Variants in TULP4 observed in about 807,000 individuals in gnomAD.
TULP4 encodes the protein TUB like protein 4.
TULP4 carries 16 observed loss-of-function variants against 129.0 expected under a neutral mutation model. The observed-to-expected ratio is 0.12, with a 90% CI of 0.08 to 0.19. The LOEUF (loss-of-function observed/expected upper bound fraction) is 0.19. TULP4 is among the 10% of genes least tolerant of loss of function. The pLI, the probability that TULP4 is intolerant of heterozygous loss-of-function variation, is 1.00. For synonymous variants in TULP4, 998 were observed against 854.0 expected, an observed-to-expected ratio of 1.17 and a Z score of -2.94; for missense variants, 1,842 against 2,059.1, an observed-to-expected ratio of 0.89 and a Z score of 2.04.
intron 1 of TULP4, among the ~76,000 whole-genome samples, chr6:158,320,500 T>C (rs972078438): frequency 6.6e-6 from 1 of 151,810 alleles, no homozygotes; most frequent in Non-Finnish European, 1.5e-5. Context: ...GGCGTAATCT[T>C]GGCTCACTGC....
At chr6:158,336,578 A>G (rs527238140) in intron 1 of TULP4, among the ~76,000 whole-genome samples, 21 of 152,226 alleles carry the variant, frequency 1.4e-4, no homozygotes, top group Non-Finnish European at 2.6e-4. Flanking sequence ...ACTATTGGTA[A>G]GAAAATCAAC....
At chr6:158,287,205 T>C (rs936046112) in intron 1 of TULP4, among the ~76,000 whole-genome samples, 1 of 152,164 alleles carries the variant, frequency 6.6e-6, no homozygotes, top group Non-Finnish European at 1.5e-5. Context: ...AATTACAGGG[T>C]GAATGGAGTT....
At chr6:158,484,933 A>G (rs1780032285) in intron 8 of TULP4, among the ~76,000 whole-genome samples, 1 of 152,262 alleles carries the variant, frequency 6.6e-6, no homozygotes, top group Non-Finnish European at 1.5e-5. Context: ...GGAAATGGGT[A>G]TTGCTGTAAC....
chr6:158,242,834 G>C (rs1777948764), intron 1 of TULP4: 2 of 231,940 alleles, frequency 8.6e-6, no homozygotes, highest in Non-Finnish European at 1.7e-5. Flanking sequence ...GCCCAGGCTG[G>C]AGTGCAGTGG....
At chr6:158,394,786 CAAAAAAAAAA>C (rs71030166) in intron 1 of TULP4, among the ~76,000 whole-genome samples, 31 of 46,016 alleles carry the variant, frequency 6.7e-4, no homozygotes, top group Admixed American at 1.6e-3. Context: ...GGCTCTGTCT[CAAAAAAAAAA>C]AAAAAAAAAA....
At position 158,498,589 on chromosome 6, in the gene TULP4, C is replaced by G. The variant is rs961846234; in HGVS notation, c.1871-80C>G. 2.5e-6 allele frequency: 4 copies of G among 1,574,074 alleles called. No individual in the cohort carries two copies. In the Admixed American group the frequency reaches 6.8e-5, roughly 27 times the overall value. The stretch of plus-strand genomic sequence containing the variant: ...GATGGCAGGGAAACTGCAGTGCGCT[C>G]TTCTTCCTGTGACTCTCTTGACACT... On this transcript the variant is annotated intron_variant, in intron 11 of 13. Coordinates refer to ENST00000367097, the MANE Select transcript of TULP4 (RefSeq NM_020245.5).
intron 1 of TULP4, among the ~76,000 whole-genome samples, chr6:158,345,855 A>C (rs1411594194): frequency 2.0e-5 from 3 of 152,046 alleles, no homozygotes. Flanking sequence ...ACTGCAGGAG[A>C]CCAGGGCTTA....
intron 1 of TULP4, among the ~76,000 whole-genome samples, chr6:158,411,562 A>C (rs867312116): frequency 1.4e-4 from 21 of 152,348 alleles, no homozygotes; most frequent in Non-Finnish European, 1.6e-4. Flanking sequence ...TTTAAAAAAG[A>C]GCTATGATAT....
rs1405730748 is a variant in TULP4, at chr6:158,501,786, G to C, written c.2123G>C (p.Gly708Ala). The change falls in exon 13 of 14, where the codon GGG (glycine) becomes GCG (alanine). Residue 708 changes from glycine (G) to alanine (A), a missense_variant. By Grantham distance (60) the Gly-to-Ala change is moderately conservative. Transcript: ENST00000367097. The part of the protein sequence containing the change: ...AQAMSPTQSI[G>A]LVQSLLANQN... Reference sequence around the variant, plus strand: ...GCTATGTCCCCCACGCAGAGCATAGGGCTGGTGCAGTCCCTACTGGCCAAT... The same window carrying C: ...GCTATGTCCCCCACGCAGAGCATAGCGCTGGTGCAGTCCCTACTGGCCAAT... 3 of 1,614,082 alleles carry C rather than the reference G, an allele frequency of 1.9e-6. No individual in the cohort carries two copies.
In TULP4 at chr6:158,504,010, G is replaced by A; in HGVS notation, c.4347G>A (p.Arg1449=). The stretch of plus-strand genomic sequence containing the variant: ...AGCTGGAGGAGGCCAAGTGCCGGCG[G>A]GCCAGTGAGAAGGAGGACGGGCGGC... The part of the protein sequence containing the change: ...AGELEEAKCR[R]ASEKEDGRLG... The change falls in exon 13 of 14, where the codon CGG becomes CGA. Residue 1449 remains arginine (R), a synonymous_variant. Transcript: ENST00000367097. 1 of 1,612,642 alleles carries A rather than the reference G, an allele frequency of 6.2e-7. No homozygotes were observed. Among genetic ancestry groups the A allele is most frequent in the Non-Finnish European group, 8.5e-7 (1 of 1,179,420 alleles).
chr6:158,440,438 T>C (rs1404307776), intron 3 of TULP4, among the ~76,000 whole-genome samples: 1 of 152,018 alleles, frequency 6.6e-6, no homozygotes, highest in African/African-American at 2.4e-5. Context: ...GTTAAAGGGC[T>C]GGTAAGAGTG....
intron 4 of TULP4, among the ~76,000 whole-genome samples, chr6:158,450,618 T>G (rs1309917583): frequency 2.6e-5 from 4 of 152,070 alleles, no homozygotes; most frequent in African/African-American, 7.2e-5. Flanking sequence ...ATACCAGCCT[T>G]GAGAGAAGTG....
chr6:158,451,987 A>C, intron 4 of TULP4, 147 bp from the exon 5 acceptor site: 1 of 1,184,076 alleles, frequency 8.4e-7, no homozygotes, highest in Non-Finnish European at 1.2e-6. Context: ...AATGATATAG[A>C]ATGTTTCATT....
intron 1 of TULP4, among the ~76,000 whole-genome samples, chr6:158,374,433 C>CT (rs144839504): frequency 2.5e-3 from 377 of 152,200 alleles, no homozygotes; most frequent in African/African-American, 8.6e-3. Flanking sequence ...GTTTGAAACT[C>CT]TGAGAAGCTA....
At chr6:158,450,853 G>A (rs908758345) in intron 4 of TULP4, among the ~76,000 whole-genome samples, 19 of 151,870 alleles carry the variant, frequency 1.3e-4, no homozygotes, top group African/African-American at 3.6e-4. Flanking sequence ...TCAGGAGATC[G>A]AGACCATCCT....
chr6:158,315,202 G>C (rs985157359), intron 1 of TULP4, among the ~76,000 whole-genome samples: 3 of 152,094 alleles, frequency 2.0e-5, no homozygotes, highest in African/African-American at 7.2e-5. Flanking sequence ...ATATAGACAG[G>C]GTGGCTTATA....
In TULP4 at chr6:158,316,939, A is replaced by G. The variant is rs542445770; in HGVS notation, c.252+2671A>G. Among the ~76,000 whole-genome samples, 99 of 152,308 alleles carry G rather than the reference A, an allele frequency of 6.5e-4. 1 individual carries two copies. The highest frequency in any genetic ancestry group is 2.1e-3 in the African/African-American group (86 of 41,572). ...TGCAGTTTGCTTCTTCAAGGCCAGG[A>G]GGAGAGTATCTGCTGTAGCTTCAAA... On this transcript the variant is annotated intron_variant, in intron 1 of 13. Coordinates refer to ENST00000367097, the MANE Select transcript of TULP4 (RefSeq NM_020245.5).
chr6:158,496,659 A>G (rs545295968), intron 11 of TULP4, among the ~76,000 whole-genome samples: 1 of 152,346 alleles, frequency 6.6e-6, no homozygotes, highest in East Asian at 1.9e-4. Context: ...TTTAGCTATC[A>G]TGATTATTCC....
chr6:158,247,755 C>T (rs1246688193), intron 1 of TULP4, among the ~76,000 whole-genome samples: 1 of 152,188 alleles, frequency 6.6e-6, no homozygotes, highest in Middle Eastern at 3.2e-3. Context: ...TGGGGAAATG[C>T]ACATCATTGT....
Sources: gnomAD v4.1 joint callset for allele counts (sites outside exome capture counted in the v4.1 genomes callset) on GRCh38, gnomAD v4.1.1 for gene constraint, MANE v1.5 for transcripts, NCBI Gene and HGNC (gene_info 2026-07-23, HGNC 2026-07-21) for gene names.